DRC9: variants seen among roughly 807,000 people sequenced by gnomAD.
The protein encoded by DRC9 is dynein regulatory complex subunit 9.
the DRC9 span, chr3:197,951,059 CTT>C: frequency 6.2e-7 from 1 of 1,603,496 alleles, no homozygotes; most frequent in African/African-American, 1.3e-5. Flanking sequence ...CAAGAAAAAA[CTT>C]AGATGTTTGC....
chr3:197,932,196 G>C, the DRC9 span: 1 of 1,612,782 alleles, frequency 6.2e-7, no homozygotes. Context: ...TCATAGAAAT[G>C]CATTTTGTTT....
chr3:197,941,933 T>C, the DRC9 span, among the ~76,000 whole-genome samples: 1 of 152,222 alleles, frequency 6.6e-6, no homozygotes. Context: ...GATTAGCCTC[T>C]TATTTTAAAT....
the DRC9 span, among the ~76,000 whole-genome samples, chr3:197,890,376 G>A: frequency 6.6e-6 from 1 of 151,194 alleles, no homozygotes; most frequent in Non-Finnish European, 1.5e-5. Context: ...CTGCACTCCA[G>A]CCTGAGTGAC....
At chr3:197,920,399 A>G in the DRC9 span, among the ~76,000 whole-genome samples, 3 of 149,798 alleles carry the variant, frequency 2.0e-5, no homozygotes, top group East Asian at 5.9e-4. Context: ...AAGCCTGGGC[A>G]ACAAAGAGAG....
At chr3:197,959,052 T>A in the DRC9 span, 1 of 152,140 alleles carries the variant, frequency 6.6e-6, no homozygotes, top group Non-Finnish European at 1.5e-5. Context: ...ACTAAAAACA[T>A]AAAAATTGGC....
the DRC9 span, among the ~76,000 whole-genome samples, chr3:197,930,711 G>A: frequency 6.7e-6 from 1 of 149,722 alleles, no homozygotes; most frequent in Admixed American, 6.7e-5. Context: ...CTTTGGCCCG[G>A]GAGGCAGAGC....
chr3:197,909,886 G>A, the DRC9 span, among the ~76,000 whole-genome samples: 1 of 152,008 alleles, frequency 6.6e-6, no homozygotes, highest in Non-Finnish European at 1.5e-5. Context: ...CCAGCTACTC[G>A]GGAGGCTGGC....
chr3:197,945,295 T>A, the DRC9 span, among the ~76,000 whole-genome samples: 1 of 152,174 alleles, frequency 6.6e-6, no homozygotes, highest in Non-Finnish European at 1.5e-5. Context: ...AACTAAGGCC[T>A]CTTGCCGGCA....
the DRC9 span, among the ~76,000 whole-genome samples, chr3:197,921,795 C>T: frequency 2.9e-5 from 4 of 138,936 alleles, no homozygotes; most frequent in African/African-American, 6.2e-5. Flanking sequence ...TTGGTCGACC[C>T]GACTACTGGT....
chr3:197,945,749 TC>T, the DRC9 span: 23 of 689,566 alleles, frequency 3.3e-5, 1 homozygote, highest in Admixed American at 5.4e-4. Context: ...TTCAGTTATT[TC>T]TATACCATTT....
At chr3:197,950,928 G>GTTT in the DRC9 span, 1 of 1,613,912 alleles carries the variant, frequency 6.2e-7, no homozygotes, top group Non-Finnish European at 8.5e-7. Context: ...CTTTTTGTTT[G>GTTT]TTTTAAGGCC....
At chr3:197,950,573 TC>T in the DRC9 span, 1 of 335,922 alleles carries the variant, frequency 3.0e-6, no homozygotes, top group South Asian at 4.7e-5. Flanking sequence ...TCAGCTTTTC[TC>T]CCCCAGCCAT....
At chr3:197,899,438 C>A in the DRC9 span, among the ~76,000 whole-genome samples, 2 of 152,262 alleles carry the variant, frequency 1.3e-5, no homozygotes, top group East Asian at 3.9e-4. Flanking sequence ...AAGTAAAAGT[C>A]TAGGCTGGCT....
chr3:197,944,670 G>A, the DRC9 span, among the ~76,000 whole-genome samples: 7 of 152,126 alleles, frequency 4.6e-5, no homozygotes, highest in Admixed American at 1.3e-4. Context: ...GGATGGTCTC[G>A]ATCTCCTGAC....
At chr3:197,917,067 A>G in the DRC9 span, among the ~76,000 whole-genome samples, 6 of 152,186 alleles carry the variant, frequency 3.9e-5, no homozygotes, top group African/African-American at 9.6e-5. Context: ...TGTAATTCCA[A>G]TGCTTTGGGA....
At chr3:197,919,832 G>C in the DRC9 span, among the ~76,000 whole-genome samples, 1 of 151,924 alleles carries the variant, frequency 6.6e-6, no homozygotes, top group East Asian at 1.9e-4. Context: ...CCTCTGGTTG[G>C]GTAGCAAAAG....
the DRC9 span, among the ~76,000 whole-genome samples, chr3:197,905,065 G>A: frequency 6.6e-6 from 1 of 152,136 alleles, no homozygotes; most frequent in African/African-American, 2.4e-5. Context: ...AGAGTAGAAG[G>A]GTGGTTACCA....
chr3:197,938,045 G>T, the DRC9 span, among the ~76,000 whole-genome samples: 7,168 of 152,130 alleles, frequency 0.047, 198 homozygotes, highest in South Asian at 0.073. Context: ...GCCGGGCGCG[G>T]TGGCTCACGC....
At chr3:197,922,669 G>A in the DRC9 span, among the ~76,000 whole-genome samples, 1 of 151,888 alleles carries the variant, frequency 6.6e-6, no homozygotes, top group Admixed American at 6.6e-5. Context: ...TCGAGCTGCT[G>A]CACTCCAGCC....
Sources: gnomAD v4.1 joint callset for allele counts (sites outside exome capture counted in the v4.1 genomes callset) on GRCh38, gnomAD v4.1.1 for gene constraint, MANE v1.5 for transcripts, NCBI Gene and HGNC (gene_info 2026-07-23, HGNC 2026-07-21) for gene names.